GRID2: variants seen among roughly 807,000 people sequenced by gnomAD.
The protein encoded by GRID2 is glutamate ionotropic receptor delta type subunit 2.
GRID2 carries 33 observed loss-of-function variants against 114.8 expected under a neutral mutation model. The ratio of observed to expected loss-of-function variants is 0.29; its 90% CI spans 0.22 to 0.38. The LOEUF is 0.38. GRID2 is among the 10% of genes least tolerant of loss of function. The pLI is 1.00. For missense variants in GRID2, 1,184 were observed against 1,257.7 expected (o/e 0.94, Z 0.89); for synonymous variants, 505 against 449.9 (o/e 1.12, Z -1.55).
chr4:92,751,437 G>A (rs1251281484), intron 2 of GRID2, among the ~76,000 whole-genome samples: 1 of 151,942 alleles, frequency 6.6e-6, no homozygotes, highest in Admixed American at 6.6e-5. Flanking sequence ...ATAATTTATT[G>A]ACTTTTAATA....
At chr4:92,555,561 TGAA>T (rs2149176917) in intron 1 of GRID2, among the ~76,000 whole-genome samples, 1 of 152,262 alleles carries the variant, frequency 6.6e-6, no homozygotes, top group South Asian at 2.1e-4. Flanking sequence ...GGTCTGGCAA[TGAA>T]GAAAAATAGA....
At chr4:92,726,685 A>G (rs1487100691) in intron 2 of GRID2, among the ~76,000 whole-genome samples, 1 of 152,148 alleles carries the variant, frequency 6.6e-6, no homozygotes, top group African/African-American at 2.4e-5. Context: ...AAACAAGCAG[A>G]TTGAGTCAGA....
chr4:92,512,587 A>C (rs1369243066), intron 1 of GRID2, among the ~76,000 whole-genome samples: 1 of 151,958 alleles, frequency 6.6e-6, no homozygotes, highest in Non-Finnish European at 1.5e-5. Flanking sequence ...TAACTAAATT[A>C]ATATTTTGGG....
intron 1 of GRID2, among the ~76,000 whole-genome samples, chr4:92,442,142 G>A (rs531044015): frequency 6.6e-6 from 1 of 151,252 alleles, no homozygotes; most frequent in East Asian, 1.9e-4. Flanking sequence ...GAAGGGGACG[G>A]GCTTACCTTC....
intron 2 of GRID2, among the ~76,000 whole-genome samples, chr4:92,674,462 C>A (rs950864119): frequency 6.6e-6 from 1 of 152,080 alleles, no homozygotes; most frequent in African/African-American, 2.4e-5. Flanking sequence ...ACAGTTTCAA[C>A]TTATATGGTT....
At chr4:92,532,651 G>A (rs1046648194) in intron 1 of GRID2, among the ~76,000 whole-genome samples, 5 of 152,130 alleles carry the variant, frequency 3.3e-5, no homozygotes, top group African/African-American at 1.2e-4. Flanking sequence ...GTTGTCATAC[G>A]AAGAAATGAG....
At chr4:92,638,187 T>A (rs974852250) in intron 2 of GRID2, among the ~76,000 whole-genome samples, 2 of 151,700 alleles carry the variant, frequency 1.3e-5, no homozygotes, top group Non-Finnish European at 2.9e-5. Context: ...TTATTTAAAA[T>A]CTCTTAAAAT....
At chr4:92,377,901 A>G (rs1729430685) in intron 1 of GRID2, among the ~76,000 whole-genome samples, 1 of 152,134 alleles carries the variant, frequency 6.6e-6, no homozygotes, top group South Asian at 2.1e-4. Flanking sequence ...TGACTTCAAG[A>G]TGAGATTTGA....
chr4:93,308,758 C>T (rs1410651109), intron 8 of GRID2, among the ~76,000 whole-genome samples: 1 of 152,144 alleles, frequency 6.6e-6, no homozygotes, highest in Non-Finnish European at 1.5e-5. Context: ...TGCAATAAGA[C>T]TTTTTCCAAA....
chr4:93,046,949 C>T lies in GRID2; in HGVS notation c.245-38046C>T, dbSNP rs545074485. On this transcript the variant is annotated intron_variant, in intron 2 of 15. Transcript: ENST00000282020. ...TATCTCAAAGAAAAGGGGCACTTGA[C>T]ATCAGCCATGTAATCAATGTGGACA... Among the ~76,000 whole-genome samples the T allele has an allele frequency of 3.3e-5, 5 of 151,996 alleles. No homozygotes were observed. In the East Asian group the frequency reaches 9.7e-4, roughly 30 times the overall value.
rs112480275 is a variant in GRID2, at chr4:92,771,223, C to A, written c.244+180937C>A. On this transcript the variant is annotated intron_variant, in intron 2 of 15. Coordinates refer to ENST00000282020, the MANE Select transcript of GRID2 (RefSeq NM_001510.4). The stretch of plus-strand genomic sequence containing the variant: ...TTGAGAAACCTTCTCCAAAATATTG[C>A]AGTCGTTAGTATCACAAGAAATGCC... Among the ~76,000 whole-genome samples the A allele has an allele frequency of 9.6e-3, 1,464 of 152,260 alleles. 27 individuals carry two copies. Among genetic ancestry groups the A allele is most frequent in the African/African-American group, 0.033 (1,383 of 41,550 alleles).
intron 13 of GRID2, among the ~76,000 whole-genome samples, chr4:93,621,961 T>C (rs572124029): frequency 6.6e-6 from 1 of 152,300 alleles, no homozygotes; most frequent in Non-Finnish European, 1.5e-5. Context: ...ACAACAATGC[T>C]AGAAAACTTT....
At chr4:92,632,473 A>G (rs1352100186) in intron 2 of GRID2, among the ~76,000 whole-genome samples, 1 of 152,068 alleles carries the variant, frequency 6.6e-6, no homozygotes, top group African/African-American at 2.4e-5. Flanking sequence ...GTCTCTACTA[A>G]AATACAAAAA....
At chr4:92,493,958 A>G (rs1384446119) in intron 1 of GRID2, among the ~76,000 whole-genome samples, 1 of 152,196 alleles carries the variant, frequency 6.6e-6, no homozygotes, top group Non-Finnish European at 1.5e-5. Flanking sequence ...ATTTGAAGAA[A>G]CAAAAAGAAA....
At chr4:92,603,672 A>C (rs749096207) in intron 2 of GRID2, among the ~76,000 whole-genome samples, 1 of 152,132 alleles carries the variant, frequency 6.6e-6, no homozygotes, top group African/African-American at 2.4e-5. Context: ...ATTGCAACGA[A>C]AGCAGAATTT....
chr4:93,161,583 G>A (rs942928566), intron 4 of GRID2, among the ~76,000 whole-genome samples: 4 of 151,534 alleles, frequency 2.6e-5, no homozygotes, highest in African/African-American at 7.3e-5. Context: ...CATAATTATC[G>A]TTCATGTGGT....
At position 92,727,262 on chromosome 4, in the gene GRID2, T is replaced by TG. The variant is rs1445332308; in HGVS notation, c.244+136976_244+136977insG. 3.3e-5 allele frequency among the ~76,000 whole-genome samples: 5 copies of TG among 152,196 alleles called. No individual in the cohort carries two copies. The South Asian group carries it at 1.0e-3, about 32-fold the overall frequency. On this transcript the variant is annotated intron_variant, in intron 2 of 15. Transcript: ENST00000282020. Reference sequence around the variant, plus strand: ...AAGACTTAATTTACAAAATGGTGTTTTAAAGTGTTTCTGGGTTTCTTTGCT... The same window carrying TG: ...AAGACTTAATTTACAAAATGGTGTTTGTAAAGTGTTTCTGGGTTTCTTTGCT...
chr4:92,406,487 C>A (rs1731032790), intron 1 of GRID2, among the ~76,000 whole-genome samples: 1 of 152,054 alleles, frequency 6.6e-6, no homozygotes, highest in South Asian at 2.1e-4. Flanking sequence ...GTGTGCAAAT[C>A]AATGGGGACA....
chr4:93,253,254 T>TAAAA (rs1013293479), intron 8 of GRID2, among the ~76,000 whole-genome samples: 2 of 151,850 alleles, frequency 1.3e-5, no homozygotes, highest in African/African-American at 4.8e-5. Context: ...AGACTCTGTC[T>TAAAA]AAAAAAACAA....
Sources: gnomAD v4.1 joint callset for allele counts (sites outside exome capture counted in the v4.1 genomes callset) on GRCh38, gnomAD v4.1.1 for gene constraint, MANE v1.5 for transcripts, NCBI Gene and HGNC (gene_info 2026-07-23, HGNC 2026-07-21) for gene names.